Variants in KCNN1 observed in about 807,000 individuals in gnomAD.
KCNN1 encodes potassium calcium-activated channel subfamily N member 1, also known as small conductance calcium-activated potassium channel protein 1.
In KCNN1, 20 loss-of-function variants were observed where a neutral mutation model predicts 44.7. The ratio of observed to expected loss-of-function variants is 0.45; its 90% CI spans 0.32 to 0.65. The LOEUF is 0.65. Ranked by LOEUF, KCNN1 falls within the 30% of genes least tolerant of loss-of-function variation. The pLI is 0.05. For synonymous variants in KCNN1, 324 were observed against 341.7 expected (o/e 0.95, Z 0.57); for missense variants, 632 against 785.3 (o/e 0.80, Z 2.33).
chr19:17,979,366 G>T lies in KCNN1; in HGVS notation c.499-2343G>T, dbSNP rs544453273. Reference sequence around the variant, plus strand: ...GAGAATGGCGTGAACCCGGGAGTAGGAGCTTGCAGTGAGCCGAGATCGCGT... The same window carrying T: ...GAGAATGGCGTGAACCCGGGAGTAGTAGCTTGCAGTGAGCCGAGATCGCGT... On this transcript the variant is annotated intron_variant, in intron 3 of 9. Coordinates refer to ENST00000684775, the MANE Select transcript of KCNN1 (RefSeq NM_001386974.1). 1.0e-4 allele frequency among the ~76,000 whole-genome samples: 15 copies of T among 145,584 alleles called. No individual in the cohort carries two copies. In the Admixed American group the frequency reaches 1.0e-3, roughly 10 times the overall value.
At chr19:17,988,154 C>CAAAAA (rs59928660) in intron 5 of KCNN1, among the ~76,000 whole-genome samples, 28 of 53,446 alleles carry the variant, frequency 5.2e-4, no homozygotes, top group South Asian at 6.8e-4. Context: ...GACTCCATCT[C>CAAAAA]AAAAAAAAAA....
At position 17,999,824 on chromosome 19, in the gene KCNN1, T is replaced by G; in HGVS notation, c.*1418T>G. On this transcript the variant is annotated 3_prime_UTR_variant, in exon 10 of 10. Transcript: ENST00000684775. ...CCATCCATCGCCTGGCTCAACGAGA[T>G]AACTAGGCCGTGGCTGGTGCATGAA... 1 of 364,512 alleles carries G rather than the reference T, an allele frequency of 2.7e-6. No individual in the cohort carries two copies. The highest frequency in any genetic ancestry group is 5.6e-6 in the Non-Finnish European group (1 of 179,780). 22.6% of individuals were successfully genotyped at this position (364,512 alleles called of 1,614,324 possible).
chr19:17,993,436 G>A lies in KCNN1; in HGVS notation c.1308-54G>A, dbSNP rs966064875. The A allele has an allele frequency of 2.2e-6, 3 of 1,374,228 alleles. No homozygotes were observed. The highest frequency in any genetic ancestry group is 3.1e-6 in the Non-Finnish European group (3 of 973,292). The allele number at this position is 1,374,228 out of a possible 1,614,324, so 85.1% of individuals were successfully genotyped here. A position where few individuals can be genotyped will look rare whatever the true frequency, so the allele number is the denominator to read the frequency against. ...GTGCATGAAAGTCCCTGCCCCCACTGCAGCCTCCACGGGAACCTGCCTAAC... is the reference window on the plus strand; with the variant it reads ...GTGCATGAAAGTCCCTGCCCCCACTACAGCCTCCACGGGAACCTGCCTAAC... On this transcript the variant is annotated intron_variant, in intron 8 of 9. Transcript: ENST00000684775. This position sits in a 1 kb window ranked among gnomAD's most constrained non-coding sequence, Gnocchi z 4.5.
At chr19:17,966,213 G>A (rs1358813318), upstream of KCNN1, among the ~76,000 whole-genome samples, 1 of 152,210 alleles carries the variant, frequency 6.6e-6, no homozygotes, top group African/African-American at 2.4e-5. Context: ...GGGTGTGGGA[G>A]AGAGATAGGA....
At position 17,996,234 on chromosome 19, in the gene KCNN1, A is replaced by T. The variant is rs1470003358; in HGVS notation, c.1378-1918A>T. Among the ~76,000 whole-genome samples, 3 of 150,650 alleles carry T rather than the reference A, an allele frequency of 2.0e-5. No individual in the cohort carries two copies. The East Asian group carries it at 5.9e-4, about 30-fold the overall frequency. ...GGTGGGAGGATCACTTGAGCCTGGG[A>T]GGTAAAAGCTGCAGTCAGCTGTGAC... is the stretch of plus-strand genomic sequence containing the variant. On this transcript the variant is annotated intron_variant, in intron 9 of 9. Transcript: ENST00000684775.
At chr19:17,989,870 G>A (rs1022490862) in intron 7 of KCNN1, 27 bp downstream of exon 7, 5 of 1,610,688 alleles carry the variant, frequency 3.1e-6, no homozygotes, top group Middle Eastern at 1.7e-4. Flanking sequence ...TCCAGCTCAC[G>A]TTTCTGTGTC....
chr19:17,971,705 C>A (rs2145922723), intron 1 of KCNN1, among the ~76,000 whole-genome samples: 1 of 151,990 alleles, frequency 6.6e-6, no homozygotes, highest in East Asian at 2.0e-4. Flanking sequence ...CTCAGATGAT[C>A]TGCCCACCTT....
intron 1 of KCNN1, chr19:17,951,492 C>T (rs1387283280): frequency 6.6e-6 from 1 of 152,294 alleles, no homozygotes; most frequent in African/African-American, 2.4e-5. Context: ...AGGGCTTGCC[C>T]CTGGACTTCT....
intron 3 of KCNN1, 110 bp downstream of exon 3, chr19:17,975,297 G>T: frequency 1.4e-6 from 1 of 694,094 alleles, no homozygotes; most frequent in Non-Finnish European, 2.5e-6. Context: ...TGTATAATTG[G>T]CTTCTGATAG....
At chr19:17,960,634 A>AAAAAGAAAAG (rs56694978) in intron 2 of KCNN1, among the ~76,000 whole-genome samples, 61 of 151,858 alleles carry the variant, frequency 4.0e-4, no homozygotes, top group African/African-American at 1.4e-3. Context: ...CTGTCTCAAA[A>AAAAAGAAAAG]AAAAGAAAAG....
In KCNN1 at chr19:17,973,915, C is replaced by T. The variant is rs77030907; in HGVS notation, c.27C>T (p.Ser9=). 2,159 of 1,554,232 alleles carry T rather than the reference C, an allele frequency of 1.4e-3. 18 individuals are homozygous for T. In the African/African-American group the frequency reaches 0.024, roughly 18 times the overall value. ...TGAACAGCCACAGCTACAATGGCAG[C>T]GTGGGGCGGCCGCTGGGCAGCGGGC... MNSHSYNG[S]VGRPLGSGPG... Residue 9 remains serine, a synonymous_variant, in exon 2 of 10, where the codon AGC becomes AGT. Transcript: ENST00000684775.
Position 17,999,030 on chromosome 19 carries a change from G to C in KCNN1, c.*624G>C. 1 of 152,360 alleles carries C rather than the reference G, an allele frequency of 6.6e-6. No homozygotes were observed. Among genetic ancestry groups the C allele is most frequent in the Non-Finnish European group, 1.5e-5 (1 of 68,126 alleles). The allele number at this position is 152,360 out of a possible 1,614,324, so 9.4% of individuals were successfully genotyped here. A position where few individuals can be genotyped will look rare whatever the true frequency, so the allele number is the denominator to read the frequency against. On this transcript the variant is annotated 3_prime_UTR_variant, in exon 10 of 10. Transcript: ENST00000684775. Reference sequence around the variant, plus strand: ...TGCCAGGCCCCAGCGGGGCCCATGGGGGAGGTGACCTGGGTGAGGAAGGTC... The same window carrying C: ...TGCCAGGCCCCAGCGGGGCCCATGGCGGAGGTGACCTGGGTGAGGAAGGTC...
intron 5 of KCNN1, among the ~76,000 whole-genome samples, chr19:17,986,961 C>A (rs554070943): frequency 6.6e-6 from 1 of 152,154 alleles, no homozygotes; most frequent in African/African-American, 2.4e-5. Context: ...CGCCTGCCAC[C>A]AGGCTCGGCT....
chr19:17,972,444 C>T (rs2032054873), intron 1 of KCNN1, among the ~76,000 whole-genome samples: 1 of 152,210 alleles, frequency 6.6e-6, no homozygotes, highest in Non-Finnish European at 1.5e-5. Flanking sequence ...ACAGGCTAGC[C>T]TGAGATCATA....
intron 5 of KCNN1, among the ~76,000 whole-genome samples, chr19:17,987,993 C>A (rs1161121918): frequency 6.6e-6 from 1 of 151,410 alleles, no homozygotes; most frequent in Non-Finnish European, 1.5e-5. Flanking sequence ...AACACACACA[C>A]ACACACACAC....
In KCNN1 at chr19:17,961,389, C is replaced by T. The variant is rs183729440; in HGVS notation, c.-82+6708C>T. ...CCCAGGAATATGAGAGCAGCCTGGG[C>T]AACATAATGAGACCTCGTCTCTACA... On this transcript the variant is annotated intron_variant, in intron 2 of 10. Transcript: ENST00000222249. Among the ~76,000 whole-genome samples, 215 of 151,742 alleles carry T rather than the reference C, an allele frequency of 1.4e-3. 1 individual carries two copies. The highest frequency in any genetic ancestry group is 3.4e-3 in the Middle Eastern group (1 of 294).
At chr19:17,975,031 G>C in intron 2 of KCNN1, 61 bp from the exon 3 acceptor site, 1 of 1,359,330 alleles carries the variant, frequency 7.4e-7, no homozygotes, top group South Asian at 1.2e-5. Flanking sequence ...GTAAGGGGAT[G>C]GGAGGGCCGC....
intron 2 of KCNN1, among the ~76,000 whole-genome samples, chr19:17,960,617 C>T (rs1378193954): frequency 2.7e-5 from 4 of 150,446 alleles, no homozygotes; most frequent in Admixed American, 1.3e-4. Context: ...GTGACAGGAG[C>T]GAAACTCTGT....
intron 3 of KCNN1, 70 bp from the exon 4 acceptor site, chr19:17,981,639 G>T: frequency 1.4e-6 from 2 of 1,394,514 alleles, no homozygotes; most frequent in Non-Finnish European, 9.7e-7. Flanking sequence ...CTCTGGGGGC[G>T]CGGTGGGGCT....
Sources: gnomAD v4.1 joint callset for allele counts (sites outside exome capture counted in the v4.1 genomes callset) on GRCh38, gnomAD v4.1.1 for gene constraint, Gnocchi (gnomAD v3.1) non-coding constraint, MANE v1.5 for transcripts, NCBI Gene and HGNC (gene_info 2026-07-23, HGNC 2026-07-21) for gene names.